NR6A1: variants seen among roughly 807,000 people sequenced by gnomAD.
The protein encoded by NR6A1 is nuclear receptor subfamily 6 group A member 1.
In NR6A1, 7 loss-of-function variants were observed where a neutral mutation model predicts 59.1. The ratio of observed to expected loss-of-function variants is 0.12; its 90% confidence interval spans 0.07 to 0.22. The LOEUF is 0.22. Ranked by LOEUF, NR6A1 falls within the 10% of genes least tolerant of loss-of-function variation. The pLI, the probability that NR6A1 is intolerant of heterozygous loss-of-function variation, is 1.00. For missense variants in NR6A1, 468 were observed against 611.6 expected (o/e 0.77, Z 2.48); for synonymous variants, 243 against 236.1 (o/e 1.03, Z -0.27).
At chr9:124,604,823 AT>A (rs1403757451) in intron 2 of NR6A1, among the ~76,000 whole-genome samples, 3 of 152,156 alleles carry the variant, frequency 2.0e-5, no homozygotes, top group Non-Finnish European at 4.4e-5. Flanking sequence ...CAAAAAAAAA[AT>A]AATTTTTAAA....
In NR6A1 at chr9:124,519,326, T is replaced by C. The variant is rs984067464; in HGVS notation, c.*3379A>G. 2.6e-5 allele frequency: 4 copies of C among 152,228 alleles called. No homozygotes were observed. The highest frequency in any genetic ancestry group is 5.9e-5 in the Non-Finnish European group (4 of 68,080). The allele number at this position is 152,228 out of a possible 1,614,324, so 9.4% of individuals were successfully genotyped here. A position where few individuals can be genotyped will look rare whatever the true frequency, so the allele number is the denominator to read the frequency against. On this transcript the variant is annotated 3_prime_UTR_variant, in exon 10 of 10. Coordinates refer to ENST00000487099, the MANE Select transcript of NR6A1 (RefSeq NM_033334.4). ...GCCCACCTCTCTTGTGAGTGGGGCA[T>C]AGGGGCTGGGTGTCCTCTGAGCCAG...
rs1432330876 is a variant in NR6A1 at position 124,739,969 on chromosome 9, C to T, written c.101-6620G>A. ...CAATAACCCATATGTAAGATTAAGG[C>T]CCTTAAAAGGTAAAATTCTACAATT... On this transcript the variant is annotated intron_variant, in intron 1 of 9. Coordinates refer to ENST00000487099, the MANE Select transcript of NR6A1 (RefSeq NM_033334.4). Among the ~76,000 whole-genome samples, 4 of 152,184 alleles carry T rather than the reference C, an allele frequency of 2.6e-5. No homozygotes were observed. In the East Asian group the frequency reaches 7.7e-4, roughly 29 times the overall value.
Position 124,559,245 on chromosome 9 carries a change from T to C in NR6A1, c.143-4675A>G, listed in dbSNP as rs930960371. ...CCTGAGGCATGAATTCCCTCCACAA[T>C]GTTCCAAGACAAAGAGTTGCCCCAT... On this transcript the variant is annotated intron_variant, in intron 2 of 9. Transcript: ENST00000487099. Among the ~76,000 whole-genome samples, 17 of 152,176 alleles carry C rather than the reference T, an allele frequency of 1.1e-4. 1 individual carries two copies. Among genetic ancestry groups the C allele is most frequent in the Admixed American group, 9.8e-4 (15 of 15,282 alleles).
intron 2 of NR6A1, among the ~76,000 whole-genome samples, chr9:124,635,168 A>T (rs1438715640): frequency 2.0e-5 from 3 of 152,060 alleles, no homozygotes; most frequent in Non-Finnish European, 4.4e-5. Flanking sequence ...TATCCTGTTC[A>T]TCCCTCCCTC....
intron 2 of NR6A1, among the ~76,000 whole-genome samples, chr9:124,568,933 G>C (rs1300330656): frequency 1.3e-5 from 2 of 151,924 alleles, no homozygotes; most frequent in Non-Finnish European, 2.9e-5. Flanking sequence ...CTAACACGGT[G>C]AAACACCGTC....
At chr9:124,634,645 C>A (rs1056487065) in intron 2 of NR6A1, among the ~76,000 whole-genome samples, 2 of 152,268 alleles carry the variant, frequency 1.3e-5, no homozygotes, top group African/African-American at 4.8e-5. Context: ...CACGGTGAAA[C>A]CCCGTCTCTA....
In NR6A1 at chr9:124,757,268, T is replaced by C. The variant is rs542367189; in HGVS notation, c.100+13752A>G. On this transcript the variant is annotated intron_variant, in intron 1 of 9. Coordinates refer to ENST00000487099, the MANE Select transcript of NR6A1 (RefSeq NM_033334.4). ...AGCAAGCACAAGATGGTGTGAGAAG[T>C]ACTATTATAACACTGAAAAAATAAA... Among the ~76,000 whole-genome samples, 92 of 152,124 alleles carry C rather than the reference T, an allele frequency of 6.0e-4. 1 individual carries two copies. In the South Asian group the frequency reaches 0.018, roughly 30 times the overall value.
chr9:124,641,358 T>C (rs1353405281), intron 2 of NR6A1, among the ~76,000 whole-genome samples: 1 of 120,760 alleles, frequency 8.3e-6, no homozygotes, highest in Admixed American at 8.3e-5. Context: ...AAAATCTGTC[T>C]CAAAAAAAAA....
chr9:124,644,733 G>C (rs1276492471), intron 2 of NR6A1, among the ~76,000 whole-genome samples: 1 of 152,150 alleles, frequency 6.6e-6, no homozygotes, highest in Non-Finnish European at 1.5e-5. Context: ...TACAGCCTTT[G>C]TCAAGCTACC....
At chr9:124,524,906 C>T (rs746717504) in intron 8 of NR6A1, 33 bp from the exon 9 acceptor site, 2 of 1,574,188 alleles carry the variant, frequency 1.3e-6, no homozygotes, top group East Asian at 2.3e-5. Context: ...CACACACATA[C>T]AGGGAATGGG....
intron 2 of NR6A1, among the ~76,000 whole-genome samples, chr9:124,558,972 A>T (rs377289681): frequency 6.6e-6 from 1 of 152,208 alleles, no homozygotes; most frequent in Non-Finnish European, 1.5e-5. Context: ...TTTGAAGTGT[A>T]TAAGTGTATT....
intron 9 of NR6A1, 100 bp from the exon 10 acceptor site, chr9:124,522,893 A>G: frequency 1.1e-6 from 1 of 873,334 alleles, no homozygotes; most frequent in Non-Finnish European, 1.8e-6. Context: ...CACCTTGCTG[A>G]GTGACTGGGG....
rs140381696 is a variant in NR6A1 at position 124,686,415 on chromosome 9, C to G, written c.142+46893G>C. Among the ~76,000 whole-genome samples, 82 of 152,352 alleles carry G rather than the reference C, an allele frequency of 5.4e-4. 2 individuals are homozygous for G. Among genetic ancestry groups the G allele is most frequent in the African/African-American group, 1.9e-3 (79 of 41,584 alleles). Reference sequence around the variant, plus strand: ...ACACTACAATACAAACCAAGATTCTCTCCAGTTCATTCTTCAATTTCCATG... The same window carrying G: ...ACACTACAATACAAACCAAGATTCTGTCCAGTTCATTCTTCAATTTCCATG... On this transcript the variant is annotated intron_variant, in intron 2 of 9. Transcript: ENST00000487099.
Position 124,538,028 on chromosome 9 carries a change from G to A in NR6A1, c.824+64C>T, listed in dbSNP as rs940704837. 1.6e-5 allele frequency: 22 copies of A among 1,366,386 alleles called. No homozygotes were observed. The Admixed American group carries it at 2.3e-4, about 14-fold the overall frequency. The allele number at this position is 1,366,386 out of a possible 1,614,324, so 84.6% of individuals were successfully genotyped here. A position where few individuals can be genotyped will look rare whatever the true frequency, so the allele number is the denominator to read the frequency against. ...CCACGGGTATAGGAGCCAGGGACGC[G>A]AGTGGGTGTGGGGTAGGGACACTTT... On this transcript the variant is annotated intron_variant, in intron 6 of 9. Transcript: ENST00000487099.
At chr9:124,609,736 C>T (rs1021221066) in intron 2 of NR6A1, among the ~76,000 whole-genome samples, 5 of 152,160 alleles carry the variant, frequency 3.3e-5, no homozygotes, top group Non-Finnish European at 7.3e-5. Context: ...TCTTCCTATC[C>T]ATGAGCAAGG....
chr9:124,553,547 G>T (rs1427890094), intron 3 of NR6A1, among the ~76,000 whole-genome samples: 39 of 62,960 alleles, frequency 6.2e-4, no homozygotes, highest in Middle Eastern at 0.013. Context: ...TTTTTAGCTT[G>T]ACTTTTTTTT....
intron 2 of NR6A1, among the ~76,000 whole-genome samples, chr9:124,696,854 T>TG (rs1838781268): frequency 6.6e-6 from 1 of 152,270 alleles, no homozygotes; most frequent in Middle Eastern, 3.4e-3. Flanking sequence ...GACAGGATTT[T>TG]GCCATGTGGC....
intron 2 of NR6A1, among the ~76,000 whole-genome samples, chr9:124,662,854 T>C (rs1564224933): frequency 4.6e-5 from 7 of 152,234 alleles, no homozygotes; most frequent in Admixed American, 4.6e-4. Context: ...GGTTAGATTT[T>C]AGATAAGACG....
rs376911753 is a variant in NR6A1, at chr9:124,522,458, T to C, written c.*247A>G. Reference sequence around the variant, plus strand: ...ATTCTGTAAACTGTAAGAAAATGCATTGGCTGCATTCACACAAAAGCATGT... The same window carrying C: ...ATTCTGTAAACTGTAAGAAAATGCACTGGCTGCATTCACACAAAAGCATGT... On this transcript the variant is annotated 3_prime_UTR_variant, in exon 10 of 10. Coordinates refer to ENST00000487099, the MANE Select transcript of NR6A1 (RefSeq NM_033334.4). 7.2e-4 allele frequency: 233 copies of C among 322,904 alleles called. 2 individuals carry two copies. The highest frequency in any genetic ancestry group is 4.2e-3 in the African/African-American group (201 of 47,822). 20.0% of individuals were successfully genotyped at this position (322,904 alleles called of 1,614,324 possible). A position where few individuals can be genotyped will look rare whatever the true frequency, so the allele number is the denominator to read the frequency against.
Sources: allele counts gnomAD v4.1 joint callset (sites outside exome capture counted in the v4.1 genomes callset), GRCh38; gene constraint gnomAD v4.1.1; transcripts MANE v1.5; gene names NCBI Gene and HGNC (gene_info 2026-07-23, HGNC 2026-07-21).